The following MACROD2 variants were observed in gnomAD, a reference collection of about 807,000 sequenced individuals.
The protein encoded by MACROD2 is mono-ADP ribosylhydrolase 2.
In MACROD2, 36 loss-of-function variants were observed where a neutral mutation model predicts 70.4. The ratio of observed to expected loss-of-function variants is 0.51; its 90% CI spans 0.39 to 0.68. The LOEUF is 0.68. Among genes scored for constraint, MACROD2 ranks in the 30% least tolerant of loss-of-function variants. The pLI is 0.00. For synonymous variants in MACROD2, 172 were observed against 178.8 expected (o/e 0.96, Z 0.30); for missense variants, 496 against 538.4 (o/e 0.92, Z 0.78).
At chr20:15,630,015 T>C (rs2049265256) in intron 8 of MACROD2, among the ~76,000 whole-genome samples, 1 of 152,124 alleles carries the variant, frequency 6.6e-6, no homozygotes, top group South Asian at 2.1e-4. Context: ...TCTTCCCAGG[T>C]CTGTGATAAG....
intron 4 of MACROD2, among the ~76,000 whole-genome samples, chr20:14,565,936 A>T (rs1347218536): frequency 1.3e-5 from 2 of 151,880 alleles, no homozygotes; most frequent in African/African-American, 4.8e-5. Flanking sequence ...TTGTTGGAAG[A>T]TTTGTTGATG....
intron 5 of MACROD2, among the ~76,000 whole-genome samples, chr20:15,066,978 C>G (rs183600385): frequency 7.9e-5 from 12 of 151,148 alleles, no homozygotes; most frequent in African/African-American, 2.7e-4. Flanking sequence ...TCATATACTA[C>G]AGTCAAATTT....
intron 3 of MACROD2, among the ~76,000 whole-genome samples, chr20:14,269,493 T>G (rs2082172381): frequency 6.6e-6 from 1 of 152,204 alleles, no homozygotes; most frequent in Non-Finnish European, 1.5e-5. Context: ...AAGATAGTAT[T>G]GGCAAAATCT....
At chr20:15,929,045 C>A (rs1310637448) in intron 10 of MACROD2, among the ~76,000 whole-genome samples, 1 of 151,996 alleles carries the variant, frequency 6.6e-6, no homozygotes, top group Non-Finnish European at 1.5e-5. Flanking sequence ...AATAAATCAC[C>A]CCAAAATGCA....
chr20:15,326,252 C>T (rs991264505), intron 6 of MACROD2, among the ~76,000 whole-genome samples: 8 of 152,000 alleles, frequency 5.3e-5, no homozygotes, highest in African/African-American at 1.7e-4. Context: ...TCTCATATAA[C>T]AATATTGTTG....
At chr20:14,384,359 T>C (rs1020472818) in intron 3 of MACROD2, among the ~76,000 whole-genome samples, 3 of 152,174 alleles carry the variant, frequency 2.0e-5, no homozygotes, top group Admixed American at 6.5e-5. Flanking sequence ...AAGAAAACTT[T>C]GGAAAATCAA....
At chr20:15,934,863 A>G (rs559661725) in intron 11 of MACROD2, among the ~76,000 whole-genome samples, 1 of 151,828 alleles carries the variant, frequency 6.6e-6, no homozygotes, top group South Asian at 2.1e-4. Flanking sequence ...ATGCCTGGAT[A>G]ATTTTTTTAT....
chr20:14,797,720 C>A (rs2072527119), intron 5 of MACROD2, among the ~76,000 whole-genome samples: 1 of 152,016 alleles, frequency 6.6e-6, no homozygotes, highest in Admixed American at 6.6e-5. Flanking sequence ...GGGATATGGG[C>A]TATGAAGGAT....
intron 10 of MACROD2, among the ~76,000 whole-genome samples, chr20:15,921,529 G>C (rs1268906728): frequency 6.6e-6 from 1 of 152,134 alleles, no homozygotes; most frequent in Non-Finnish European, 1.5e-5. Flanking sequence ...CATTCCTACT[G>C]ATTAATTTTG....
In MACROD2 at chr20:15,165,802, GT is replaced by G. The variant is rs879394201; in HGVS notation, c.419-64131del. ...AAATGAAAAGTGTAAGAATATAAGGGTTTTTTTAACATTAAGAAATATATTA... is the reference window on the plus strand; with the variant it reads ...AAATGAAAAGTGTAAGAATATAAGGGTTTTTTAACATTAAGAAATATATTA... On this transcript the variant is annotated intron_variant, in intron 5 of 17. Coordinates refer to ENST00000684519, the MANE Select transcript of MACROD2 (RefSeq NM_001351661.2). 4.7e-4 allele frequency among the ~76,000 whole-genome samples: 72 copies of G among 152,090 alleles called. 2 individuals are homozygous for G. Among genetic ancestry groups the G allele is most frequent in the South Asian group, 2.1e-4 (1 of 4,822 alleles).
chr20:14,583,421 G>T (rs551813323), intron 4 of MACROD2, among the ~76,000 whole-genome samples: 2 of 152,270 alleles, frequency 1.3e-5, no homozygotes, highest in South Asian at 2.1e-4. Context: ...GGTCCCAATG[G>T]ATTCAAGCCC....
intron 6 of MACROD2, among the ~76,000 whole-genome samples, chr20:15,417,647 A>T (rs1250976915): frequency 6.6e-6 from 1 of 151,616 alleles, no homozygotes; most frequent in Non-Finnish European, 1.5e-5. Context: ...AAGAAAAAAA[A>T]AAGTGTGGTC....
intron 8 of MACROD2, among the ~76,000 whole-genome samples, chr20:15,543,167 T>C (rs2047980580): frequency 6.6e-6 from 1 of 152,168 alleles, no homozygotes. Context: ...AGAATGATGA[T>C]GGGAAGTATA....
intron 8 of MACROD2, among the ~76,000 whole-genome samples, chr20:15,831,010 T>C (rs1235667748): frequency 2.0e-5 from 3 of 152,220 alleles, no homozygotes; most frequent in Non-Finnish European, 2.9e-5. Context: ...ATTTAAAGAC[T>C]CAAAGTATTT....
At chr20:15,204,431 A>G (rs573311327) in intron 5 of MACROD2, among the ~76,000 whole-genome samples, 4 of 152,088 alleles carry the variant, frequency 2.6e-5, no homozygotes, top group African/African-American at 9.7e-5. Flanking sequence ...TCATCTCAGC[A>G]TCACTTCTTT....
chr20:14,422,227 T>C (rs996082148), intron 3 of MACROD2, among the ~76,000 whole-genome samples: 2 of 152,206 alleles, frequency 1.3e-5, no homozygotes, highest in African/African-American at 4.8e-5. Context: ...ACCCCAACTA[T>C]CTTTTGGTTA....
At chr20:14,892,671 GAAC>G (rs2073777248) in intron 5 of MACROD2, 1 of 151,982 alleles carries the variant, frequency 6.6e-6, no homozygotes, top group Non-Finnish European at 1.5e-5. Context: ...TGTCTCCATT[GAAC>G]AACAACTTGC....
intron 4 of MACROD2, among the ~76,000 whole-genome samples, chr20:14,605,313 A>G (rs1210915701): frequency 1.3e-5 from 2 of 152,110 alleles, no homozygotes; most frequent in Non-Finnish European, 2.9e-5. Context: ...TGCTCCTGGT[A>G]GCCTGAGGAG....
intron 8 of MACROD2, among the ~76,000 whole-genome samples, chr20:15,617,024 GGGA>G (rs1375877004): frequency 3.9e-5 from 6 of 152,166 alleles, no homozygotes; most frequent in Admixed American, 1.3e-4. Flanking sequence ...GACTTCTCCA[GGGA>G]TGTTTCTGAG....
Sources: gnomAD v4.1 joint callset for allele counts (sites outside exome capture counted in the v4.1 genomes callset) on GRCh38, gnomAD v4.1.1 for gene constraint, MANE v1.5 for transcripts, NCBI Gene and HGNC (gene_info 2026-07-23, HGNC 2026-07-21) for gene names.